The following NNMT variants were observed in gnomAD, a reference collection of about 807,000 sequenced individuals.
The protein encoded by NNMT is nicotinamide N-methyltransferase.
In NNMT, 10 loss-of-function variants were observed where a neutral mutation model predicts 11.7. That is an observed-to-expected ratio of 0.85 (90% CI 0.53 to 1.45). The LOEUF is 1.45. Among genes scored for constraint, NNMT ranks in the 40% most tolerant of loss-of-function variants. The probability of loss-of-function intolerance (pLI) is 0.00; values close to 1 mark genes in which losing one functional copy is unlikely to be tolerated. For missense variants in NNMT, 381 were observed against 319.4 expected (o/e 1.19, Z -1.47); for synonymous variants, 143 against 133.8 (o/e 1.07, Z -0.48).
At chr11:114,286,613 G>A (rs764981240) in intron 2 of NNMT, among the ~76,000 whole-genome samples, 19 of 152,160 alleles carry the variant, frequency 1.2e-4, no homozygotes, top group Non-Finnish European at 2.5e-4. Context: ...ACATCATTTG[G>A]AGAATCATCC....
intron 2 of NNMT, among the ~76,000 whole-genome samples, chr11:114,290,909 C>A (rs1480017328): frequency 6.6e-6 from 1 of 152,178 alleles, no homozygotes; most frequent in Non-Finnish European, 1.5e-5. Context: ...GCTTCCTAGT[C>A]CTGCAAAGTC....
rs4646336 is a variant in NNMT, at chr11:114,296,859, A to G, written c.154+149A>G. ...AACTAGGATAAAAACGAATATTGGT[A>G]TAGCGATTCCACAGTTTACAAAGTG... On this transcript the variant is annotated intron_variant, in intron 1 of 2. Coordinates refer to ENST00000299964, the MANE Select transcript of NNMT (RefSeq NM_006169.3). The G allele has an allele frequency of 1.3e-4, 96 of 762,856 alleles. 1 individual carries two copies. The East Asian group carries it at 2.2e-3, about 17-fold the overall frequency. 47.3% of individuals were successfully genotyped at this position (762,856 alleles called of 1,614,324 possible).
intron 1 of NNMT, among the ~76,000 whole-genome samples, chr11:114,258,215 G>A (rs777720296): frequency 3.9e-5 from 6 of 152,236 alleles, no homozygotes; most frequent in Non-Finnish European, 7.3e-5. Context: ...GGATGCCGCC[G>A]TGGGGCTGCA....
In NNMT at chr11:114,312,426, C is replaced by G; in HGVS notation, c.744C>G (p.Asn248Lys). 2 of 1,614,212 alleles carry G rather than the reference C, an allele frequency of 1.2e-6. No individual in the cohort carries two copies. Among genetic ancestry groups the G allele is most frequent in the Non-Finnish European group, 8.5e-7 (1 of 1,180,038 alleles). ...ISQSYSSTMA[N>K]NEGLFSLVAR... ...AAAGTTATTCTTCCACCATGGCCAA[C>G]AACGAAGGACTTTTCTCCCTGGTGG... The change falls in exon 3 of 3, where the codon AAC becomes AAG. Residue 248 changes from asparagine (N) to lysine (K), a missense_variant. Physicochemically the swap from Asn to Lys is moderately conservative, Grantham distance 94 (BLOSUM62 0). Coordinates refer to ENST00000299964, the MANE Select transcript of NNMT (RefSeq NM_006169.3).
intron 2 of NNMT, among the ~76,000 whole-genome samples, chr11:114,269,228 T>C (rs1945149879): frequency 6.6e-6 from 1 of 152,222 alleles, no homozygotes; most frequent in African/African-American, 2.4e-5. Flanking sequence ...TTTGGATGAA[T>C]GCAGTGAAGG....
chr11:114,295,864 G>A (rs1945371684), upstream of NNMT: 1 of 152,408 alleles, frequency 6.6e-6, no homozygotes, highest in Non-Finnish European at 1.5e-5. Flanking sequence ...TGAAGCTGCA[G>A]TTGCCTAGGG....
intron 2 of NNMT, among the ~76,000 whole-genome samples, chr11:114,299,346 G>A (rs1381302872): frequency 6.6e-6 from 1 of 152,098 alleles, no homozygotes; most frequent in Non-Finnish European, 1.5e-5. Flanking sequence ...GTCAAAATTT[G>A]TTTGCATTTA....
intron 2 of NNMT, among the ~76,000 whole-genome samples, chr11:114,307,705 G>A (rs572030586): frequency 1.3e-5 from 2 of 152,128 alleles, no homozygotes; most frequent in African/African-American, 2.4e-5. Context: ...ATCCAGCCAC[G>A]TTGGCTCTCT....
At chr11:114,271,939 G>C (rs1945173249) in intron 2 of NNMT, among the ~76,000 whole-genome samples, 1 of 152,118 alleles carries the variant, frequency 6.6e-6, no homozygotes, top group Admixed American at 6.5e-5. Flanking sequence ...GGTTGGTTGA[G>C]GGGGGCATCT....
intron 2 of NNMT, among the ~76,000 whole-genome samples, chr11:114,306,261 A>T (rs113959847): frequency 6.6e-6 from 1 of 152,172 alleles, no homozygotes; most frequent in Admixed American, 6.6e-5. Context: ...CCTTTGTCAG[A>T]TGGGTAGATT....
rs577185915 is a variant in NNMT at position 114,284,669 on chromosome 11, A to G, written c.-129-11759A>G. ...AGTAGAGACGGGGTTTCACCGTGTTAGCCAGGATGGTCTCGATCTCCTGAC... is the reference window on the plus strand; with the variant it reads ...AGTAGAGACGGGGTTTCACCGTGTTGGCCAGGATGGTCTCGATCTCCTGAC... On this transcript the variant is annotated intron_variant, in intron 2 of 4. Transcript: ENST00000535401. Among the ~76,000 whole-genome samples, 53 of 149,580 alleles carry G rather than the reference A, an allele frequency of 3.5e-4. 1 individual carries two copies. In the South Asian group the frequency reaches 8.5e-3, roughly 24 times the overall value.
intron 2 of NNMT, among the ~76,000 whole-genome samples, chr11:114,273,426 C>T (rs935627817): frequency 6.6e-6 from 1 of 152,178 alleles, no homozygotes; most frequent in African/African-American, 2.4e-5. Flanking sequence ...CCCAGTCTCT[C>T]CCTAGCTGGA....
At chr11:114,267,138 A>C (rs1353564157) in intron 2 of NNMT, among the ~76,000 whole-genome samples, 1 of 152,066 alleles carries the variant, frequency 6.6e-6, no homozygotes, top group Non-Finnish European at 1.5e-5. Context: ...GGTGGTGCAC[A>C]CCTGTAATCC....
intron 1 of NNMT, among the ~76,000 whole-genome samples, chr11:114,260,277 A>G (rs909574744): frequency 1.3e-5 from 2 of 152,156 alleles, no homozygotes; most frequent in Admixed American, 6.5e-5. Flanking sequence ...GTCCCCACCC[A>G]GCCAGCTTTG....
At chr11:114,294,258 G>A (rs1270057050), upstream of NNMT, among the ~76,000 whole-genome samples, 3 of 151,820 alleles carry the variant, frequency 2.0e-5, no homozygotes, top group African/African-American at 4.8e-5. Context: ...CGAGGTAGGC[G>A]GAACACCTGA....
chr11:114,287,982 A>T (rs532188003), intron 2 of NNMT, among the ~76,000 whole-genome samples: 1 of 152,258 alleles, frequency 6.6e-6, no homozygotes, highest in South Asian at 2.1e-4. Flanking sequence ...TAGGTACTTC[A>T]TATTTTTCAG....
At chr11:114,294,338 C>T (rs1303632247), upstream of NNMT, among the ~76,000 whole-genome samples, 1 of 151,852 alleles carries the variant, frequency 6.6e-6, no homozygotes, top group Non-Finnish European at 1.5e-5. Context: ...ATTAGCTGGG[C>T]GTGATGGTGT....
intron 2 of NNMT, among the ~76,000 whole-genome samples, chr11:114,282,291 T>G (rs1945268257): frequency 6.6e-6 from 1 of 152,164 alleles, no homozygotes; most frequent in South Asian, 2.1e-4. Context: ...ATTAGATTCC[T>G]GCTTGATAAT....
chr11:114,282,391 T>C (rs1193397837), intron 2 of NNMT, among the ~76,000 whole-genome samples: 1 of 152,046 alleles, frequency 6.6e-6, no homozygotes, highest in Non-Finnish European at 1.5e-5. Context: ...TTCTAGAATA[T>C]ACAAGGAACT....
Sources: gnomAD v4.1 joint callset for allele counts (sites outside exome capture counted in the v4.1 genomes callset) on GRCh38, gnomAD v4.1.1 for gene constraint, MANE v1.5 for transcripts, NCBI Gene and HGNC (gene_info 2026-07-23, HGNC 2026-07-21) for gene names.